The following BCKDHB variants were observed in gnomAD, a reference collection of about 807,000 sequenced individuals.
BCKDHB encodes the protein branched chain keto acid dehydrogenase E1 subunit beta, also known as 2-oxoisovalerate dehydrogenase subunit beta, mitochondrial.
Under a neutral mutation model 48.5 loss-of-function variants are expected in BCKDHB, and 41 were observed. The observed-to-expected ratio is 0.85, with a 90% confidence interval of 0.66 to 1.10. The LOEUF (loss-of-function observed/expected upper bound fraction) is 1.10, where lower values mean the gene tolerates loss of function less well. BCKDHB is among the 50% of genes least tolerant of loss of function. The pLI, the probability that BCKDHB is intolerant of heterozygous loss-of-function variation, is 0.00. For synonymous variants in BCKDHB, 201 were observed against 174.8 expected, an observed-to-expected ratio of 1.15 and a Z score of -1.18; for missense variants, 496 against 494.2, an observed-to-expected ratio of 1.00 and a Z score of -0.03.
intron 9 of BCKDHB, among the ~76,000 whole-genome samples, chr6:80,327,541 G>A (rs1769094339): frequency 6.6e-6 from 1 of 152,160 alleles, no homozygotes; most frequent in South Asian, 2.1e-4. Context: ...CCACAAGGCT[G>A]GGAAGGTCTC....
chr6:80,205,865 G>C (rs1774631953), intron 8 of BCKDHB, among the ~76,000 whole-genome samples: 1 of 150,206 alleles, frequency 6.7e-6, no homozygotes, highest in African/African-American at 2.5e-5. Flanking sequence ...AATCAGCTGT[G>C]TGAGTTCAAA....
intron 9 of BCKDHB, among the ~76,000 whole-genome samples, chr6:80,336,052 T>G (rs1472059362): frequency 6.6e-6 from 1 of 152,030 alleles, no homozygotes; most frequent in African/African-American, 2.4e-5. Context: ...TTGTTACTTA[T>G]TTCTGATTTT....
chr6:80,387,586 T>C, the BCKDHB span, among the ~76,000 whole-genome samples: 4 of 152,208 alleles, frequency 2.6e-5, no homozygotes, highest in African/African-American at 9.6e-5. Flanking sequence ...CTGTACCAGA[T>C]GTGGTTTCAT....
intron 9 of BCKDHB, among the ~76,000 whole-genome samples, chr6:80,305,317 C>T (rs561861796): frequency 6.6e-6 from 1 of 151,864 alleles, no homozygotes; most frequent in African/African-American, 2.4e-5. Flanking sequence ...TTAAAAAAGA[C>T]TATGTTCACA....
At chr6:80,293,439 A>T (rs113915193) in intron 9 of BCKDHB, among the ~76,000 whole-genome samples, 39 of 152,294 alleles carry the variant, frequency 2.6e-4, no homozygotes, top group African/African-American at 9.1e-4. Flanking sequence ...CCACAGCTGG[A>T]GTGGCTAGAA....
chr6:80,365,855 G>T, the BCKDHB span, among the ~76,000 whole-genome samples: 1 of 152,170 alleles, frequency 6.6e-6, no homozygotes, highest in African/African-American at 2.4e-5. Context: ...GCTCCAGCCG[G>T]TCCCTCCATT....
intron 8 of BCKDHB, among the ~76,000 whole-genome samples, chr6:80,267,521 T>C (rs528309102): frequency 6.6e-6 from 1 of 152,096 alleles, no homozygotes; most frequent in South Asian, 2.1e-4. Context: ...TGTCTGCCAG[T>C]GTGGGGAAGG....
chr6:80,107,622 A>G (rs1053159375), intron 1 of BCKDHB, among the ~76,000 whole-genome samples: 1 of 142,566 alleles, frequency 7.0e-6, no homozygotes, highest in East Asian at 2.0e-4. Flanking sequence ...ATTCTGAGTA[A>G]TTGAACTGAT....
intron 9 of BCKDHB, among the ~76,000 whole-genome samples, chr6:80,277,009 T>G (rs1360760763): frequency 1.3e-5 from 2 of 151,932 alleles, no homozygotes; most frequent in African/African-American, 4.8e-5. Context: ...GGTCAGTTAT[T>G]TAAAGCTTCA....
At chr6:80,173,802 CT>C (rs66729845) in intron 6 of BCKDHB, among the ~76,000 whole-genome samples, 49,336 of 137,134 alleles carry the variant, frequency 0.36, 9,856 homozygotes, top group East Asian at 0.55. Flanking sequence ...TCTACTTTTC[CT>C]TTTTTTTTTT....
At chr6:80,415,323 G>A in the BCKDHB span, among the ~76,000 whole-genome samples, 1 of 151,958 alleles carries the variant, frequency 6.6e-6, no homozygotes, top group Admixed American at 6.6e-5. Flanking sequence ...GTGAGAGGGC[G>A]TCCTCATCTT....
chr6:80,385,532 C>T, the BCKDHB span, among the ~76,000 whole-genome samples: 2 of 152,182 alleles, frequency 1.3e-5, no homozygotes, highest in Non-Finnish European at 2.9e-5. Context: ...AACATCCCCT[C>T]CCCAGCCCAT....
At chr6:80,320,885 C>T (rs1167745610) in intron 9 of BCKDHB, among the ~76,000 whole-genome samples, 5 of 152,018 alleles carry the variant, frequency 3.3e-5, no homozygotes, top group Non-Finnish European at 7.4e-5. Flanking sequence ...ATGCCTTCTT[C>T]GATTTTTATT....
chr6:80,326,010 G>A (rs899677385), intron 9 of BCKDHB, among the ~76,000 whole-genome samples: 2 of 152,112 alleles, frequency 1.3e-5, no homozygotes, highest in Non-Finnish European at 2.9e-5. Flanking sequence ...GAGCAAAACC[G>A]AGGAAATCTC....
At chr6:80,462,628 TGA>T in the BCKDHB span, among the ~76,000 whole-genome samples, 1 of 152,164 alleles carries the variant, frequency 6.6e-6, no homozygotes, top group Admixed American at 6.5e-5. Context: ...TAAGTGAGTA[TGA>T]GAGAGAACTT....
chr6:80,298,129 C>T (rs1315374311), intron 9 of BCKDHB, among the ~76,000 whole-genome samples: 9 of 150,766 alleles, frequency 6.0e-5, no homozygotes, highest in African/African-American at 1.7e-4. Flanking sequence ...CTTTTTTTTT[C>T]CTAGACAGAG....
At position 80,274,963 on chromosome 6, in the gene BCKDHB, CAT is replaced by C. The variant is rs552534626; in HGVS notation, c.1038+1744_1038+1745del. ...AATTAAACATAGTCACTATAACTAA[CAT>C]AAAATATCATAAACATAATATCAAA... On this transcript the variant is annotated intron_variant, in intron 9 of 9. Coordinates refer to ENST00000320393, the MANE Select transcript of BCKDHB (RefSeq NM_183050.4). Among the ~76,000 whole-genome samples the C allele has an allele frequency of 8.6e-5, 13 of 152,032 alleles. No individual in the cohort carries two copies. The South Asian group carries it at 1.2e-3, about 15-fold the overall frequency.
chr6:80,299,765 T>TATA (rs1220574274), intron 9 of BCKDHB, among the ~76,000 whole-genome samples: 5 of 152,158 alleles, frequency 3.3e-5, no homozygotes, highest in Non-Finnish European at 7.3e-5. Flanking sequence ...CATATAAGTA[T>TATA]ATAACCCACA....
At chr6:80,270,696 C>G (rs529399332) in intron 8 of BCKDHB, among the ~76,000 whole-genome samples, 11 of 152,140 alleles carry the variant, frequency 7.2e-5, no homozygotes, top group Admixed American at 2.6e-4. Context: ...CTCATTTTGT[C>G]AAGTATCTAA....
Sources: gnomAD v4.1 joint callset for allele counts (sites outside exome capture counted in the v4.1 genomes callset) on GRCh38, gnomAD v4.1.1 for gene constraint, MANE v1.5 for transcripts, NCBI Gene and HGNC (gene_info 2026-07-23, HGNC 2026-07-21) for gene names.